Variants in ADGRA2 observed in about 807,000 individuals in gnomAD.
ADGRA2 encodes the protein G-protein coupled receptor 124.
Under a neutral mutation model 98.7 loss-of-function variants are expected in ADGRA2, and 61 were observed. The observed-to-expected ratio is 0.62, with a 90% CI of 0.50 to 0.76. ADGRA2 has a LOEUF of 0.76. Ranked by LOEUF, ADGRA2 falls within the 30% of genes least tolerant of loss-of-function variation. The probability of loss-of-function intolerance (pLI) is 0.00; values close to 1 mark genes in which losing one functional copy is unlikely to be tolerated. For synonymous variants in ADGRA2, 858 were observed against 831.5 expected, an observed-to-expected ratio of 1.03 and a Z score of -0.55; for missense variants, 1,712 against 1,860.0, an observed-to-expected ratio of 0.92 and a Z score of 1.46.
chr8:37,840,889 A>G lies in ADGRA2; in HGVS notation c.2747+40A>G, dbSNP rs372875808. 5.0e-4 allele frequency: 595 copies of G among 1,195,962 alleles called. 8 individuals carry two copies. Among genetic ancestry groups the G allele is most frequent in the Admixed American group, 3.7e-4 (21 of 56,560 alleles). The allele number at this position is 1,195,962 out of a possible 1,614,324, so 74.1% of individuals were successfully genotyped here. ...CTCCCGCCCCAAGCCTACCTACCTA[A>G]CACCAGATGCCTTCCACTCCACTGG... On this transcript the variant is annotated intron_variant, in intron 18 of 18. Transcript: ENST00000412232.
At chr8:37,799,012 G>A (rs1246353128) in intron 1 of ADGRA2, among the ~76,000 whole-genome samples, 1 of 152,220 alleles carries the variant, frequency 6.6e-6, no homozygotes, top group Non-Finnish European at 1.5e-5. Context: ...AGCTCACTTA[G>A]TTCTGGAGGA....
chr8:37,827,495 T>C (rs887605493), intron 2 of ADGRA2, among the ~76,000 whole-genome samples: 13 of 152,174 alleles, frequency 8.5e-5, no homozygotes, highest in African/African-American at 2.9e-4. Flanking sequence ...TAGGCCATGA[T>C]TGAATTTGAG....
At chr8:37,835,949 G>C (rs1336008648) in intron 13 of ADGRA2, among the ~76,000 whole-genome samples, 179 bp downstream of exon 13, 4 of 151,662 alleles carry the variant, frequency 2.6e-5, no homozygotes, top group African/African-American at 9.7e-5. Context: ...ATAAAGAAAG[G>C]GTCTGGAGGA....
chr8:37,804,704 C>T (rs925965353), intron 1 of ADGRA2, among the ~76,000 whole-genome samples: 1 of 152,222 alleles, frequency 6.6e-6, no homozygotes, highest in African/African-American at 2.4e-5. Context: ...AACAGCTCTG[C>T]AGGCAGGAAG....
In ADGRA2 at chr8:37,844,537, C is replaced by T. The variant is rs370007744; in HGVS notation, c.*2182C>T. 1 of 1,613,790 alleles carries T rather than the reference C, an allele frequency of 6.2e-7. No individual in the cohort carries two copies. Reference sequence around the variant, plus strand: ...GTGGCAGCCTGTCTAGCAGCCTGGGCTCTCTGAAAGTCCCTAACTTCCTGA... The same window carrying T: ...GTGGCAGCCTGTCTAGCAGCCTGGGTTCTCTGAAAGTCCCTAACTTCCTGA... On this transcript the variant is annotated 3_prime_UTR_variant, in exon 19 of 19. Transcript: ENST00000412232.
At position 37,841,599 on chromosome 8, in the gene ADGRA2, C is replaced by T. The variant is rs772760677; in HGVS notation, c.3261C>T (p.Ala1087=). 3 of 1,573,588 alleles carry T rather than the reference C, an allele frequency of 1.9e-6. No individual in the cohort carries two copies. In the South Asian group the frequency reaches 3.5e-5, roughly 18 times the overall value. ...RASWRACCPP[A]SPAAPHAPPR... Reference sequence around the variant, plus strand: ...CGTGGCGCGCCTGCTGCCCCCCTGCCTCTCCCGCGGCCCCCCATGCCCCGC... The same window carrying T: ...CGTGGCGCGCCTGCTGCCCCCCTGCTTCTCCCGCGGCCCCCCATGCCCCGC... Residue 1087 remains alanine (A), a synonymous_variant, in exon 19 of 19, where the codon GCC becomes GCT. Coordinates refer to ENST00000412232, the MANE Select transcript of ADGRA2 (RefSeq NM_032777.10). The surrounding 1 kb of genome is among the most constrained non-coding windows in gnomAD (Gnocchi z 5.0).
chr8:37,809,217 G>A (rs1031896660), intron 1 of ADGRA2, among the ~76,000 whole-genome samples: 2 of 151,754 alleles, frequency 1.3e-5, no homozygotes, highest in African/African-American at 4.8e-5. Flanking sequence ...GATTGCTTGA[G>A]CTCAAGAGGT....
chr8:37,825,797 C>A (rs184170949), intron 2 of ADGRA2, among the ~76,000 whole-genome samples: 2 of 152,326 alleles, frequency 1.3e-5, no homozygotes, highest in East Asian at 3.9e-4. Flanking sequence ...CAGGCAGCAT[C>A]GGCTTCCCAT....
At chr8:37,821,480 G>A (rs956913719) in intron 2 of ADGRA2, among the ~76,000 whole-genome samples, 3 of 152,204 alleles carry the variant, frequency 2.0e-5, no homozygotes, top group South Asian at 2.1e-4. Flanking sequence ...AGTACAGCTG[G>A]TGATTCATTC....
intron 1 of ADGRA2, among the ~76,000 whole-genome samples, chr8:37,813,115 C>A (rs1042875545): frequency 1.3e-5 from 2 of 152,128 alleles, no homozygotes; most frequent in African/African-American, 4.8e-5. Context: ...TGCCTATAGT[C>A]CCAGCCACTC....
At chr8:37,818,258 T>G (rs1013696417) in intron 2 of ADGRA2, among the ~76,000 whole-genome samples, 14 of 152,110 alleles carry the variant, frequency 9.2e-5, no homozygotes, top group Admixed American at 5.9e-4. Flanking sequence ...CAATGGCTCT[T>G]CCTCCTCCTC....
At chr8:37,807,066 C>T (rs1204218594) in intron 1 of ADGRA2, among the ~76,000 whole-genome samples, 2 of 152,202 alleles carry the variant, frequency 1.3e-5, no homozygotes, top group Non-Finnish European at 2.9e-5. Flanking sequence ...CCTGGACAGC[C>T]CAGCTTCCAG....
intron 2 of ADGRA2, among the ~76,000 whole-genome samples, chr8:37,824,019 A>G (rs531667389): frequency 2.7e-5 from 4 of 150,204 alleles, no homozygotes; most frequent in South Asian, 2.1e-4. Flanking sequence ...TTTCTTGATG[A>G]TATCCTTTAA....
intron 2 of ADGRA2, among the ~76,000 whole-genome samples, chr8:37,825,197 C>G (rs770244618): frequency 6.6e-6 from 1 of 152,144 alleles, no homozygotes; most frequent in Non-Finnish European, 1.5e-5. Flanking sequence ...GCTACTCTAG[C>G]TTCACCTGAG....
chr8:37,834,987 C>T lies in ADGRA2; in HGVS notation c.1609-187C>T, dbSNP rs907467637. 1.3e-5 allele frequency among the ~76,000 whole-genome samples: 2 copies of T among 151,746 alleles called. No homozygotes were observed. The highest frequency in any genetic ancestry group is 3.9e-4 in the East Asian group (2 of 5,136). ...CTGCAGTGAGCTGGTTGTGATGCTG[C>T]ACTCCAGCCTGGGTGACATAGCAAG... is the stretch of plus-strand genomic sequence containing the variant. On this transcript the variant is annotated intron_variant, in intron 11 of 18. Transcript: ENST00000412232. This position sits in a 1 kb window ranked among gnomAD's most constrained non-coding sequence, Gnocchi z 4.2.
rs1218573789 is a variant in ADGRA2 at position 37,834,753 on chromosome 8, G to A, written c.1609-421G>A. On this transcript the variant is annotated intron_variant, in intron 11 of 18. Coordinates refer to ENST00000412232, the MANE Select transcript of ADGRA2 (RefSeq NM_032777.10). The surrounding 1 kb of genome is among the most constrained non-coding windows in gnomAD (Gnocchi z 4.2). ...CAAAAAATACAAAAATTACCCAGGA[G>A]TGTTGGCATGCGCCTGTGGTCCCAG... is the stretch of plus-strand genomic sequence containing the variant. Among the ~76,000 whole-genome samples, 1 of 152,156 alleles carries A rather than the reference G, an allele frequency of 6.6e-6. No individual in the cohort carries two copies. The highest frequency in any genetic ancestry group is 1.5e-5 in the Non-Finnish European group (1 of 68,030).
Position 37,814,997 on chromosome 8 carries a change from G to C in ADGRA2, c.338+30G>C, listed in dbSNP as rs1804936203. ...GTGCTGGGGAAGGTGAGGTGGAGGAGGGGGGTGGCCGTGATGGCAAGAGGT... is the reference window on the plus strand; with the variant it reads ...GTGCTGGGGAAGGTGAGGTGGAGGACGGGGGTGGCCGTGATGGCAAGAGGT... On this transcript the variant is annotated intron_variant, in intron 2 of 18. Coordinates refer to ENST00000412232, the MANE Select transcript of ADGRA2 (RefSeq NM_032777.10). The surrounding 1 kb of genome is among the most constrained non-coding windows in gnomAD (Gnocchi z 4.3). 1.3e-6 allele frequency: 2 copies of C among 1,507,192 alleles called. No homozygotes were observed. Among genetic ancestry groups the C allele is most frequent in the Non-Finnish European group, 1.8e-6 (2 of 1,082,768 alleles). 93.4% of individuals were successfully genotyped at this position (1,507,192 alleles called of 1,614,324 possible). A position where few individuals can be genotyped will look rare whatever the true frequency, so the allele number is the denominator to read the frequency against.
intron 2 of ADGRA2, 137 bp downstream of exon 2, chr8:37,815,104 T>G (rs1417507748): frequency 5.9e-6 from 4 of 675,984 alleles, no homozygotes; most frequent in Non-Finnish European, 8.0e-6. Context: ...TTAGACCCAC[T>G]GGGACCCTGC....
At chr8:37,805,392 G>A (rs796079727) in intron 1 of ADGRA2, among the ~76,000 whole-genome samples, 14 of 152,202 alleles carry the variant, frequency 9.2e-5, no homozygotes, top group Admixed American at 1.3e-4. Flanking sequence ...GAGTATCTGC[G>A]TAGGTAGAAA....
Sources: allele counts gnomAD v4.1 joint callset (sites outside exome capture counted in the v4.1 genomes callset), GRCh38; gene constraint gnomAD v4.1.1; non-coding constraint Gnocchi (gnomAD v3.1); transcripts MANE v1.5; gene names NCBI Gene and HGNC (gene_info 2026-07-23, HGNC 2026-07-21).